The following SLC25A48 variants were observed in gnomAD, a reference collection of about 807,000 sequenced individuals.
SLC25A48 encodes the protein solute carrier family 25 member 48.
A neutral mutation model predicts 32.2 loss-of-function variants in SLC25A48; 29 were observed. That is an observed-to-expected ratio of 0.90 (90% CI 0.67 to 1.23). The LOEUF (loss-of-function observed/expected upper bound fraction) is 1.23, where lower values mean the gene tolerates loss of function less well. Ranked by LOEUF, SLC25A48 falls within the 50% of genes most tolerant of loss-of-function variation. The probability of loss-of-function intolerance (pLI) is 0.00; values close to 1 mark genes in which losing one functional copy is unlikely to be tolerated. For missense variants in SLC25A48, 399 were observed against 422.7 expected, an observed-to-expected ratio of 0.94 and a Z score of 0.49; for synonymous variants, 164 against 172.3, an observed-to-expected ratio of 0.95 and a Z score of 0.38.
At chr5:135,633,067 T>C (rs1257141989) in intron 2 of SLC25A48, among the ~76,000 whole-genome samples, 1 of 152,188 alleles carries the variant, frequency 6.6e-6, no homozygotes, top group Non-Finnish European at 1.5e-5. Context: ...GACGGGCAGT[T>C]ATCTCTGCAG....
At chr5:135,627,569 C>T (rs1333484547) in intron 1 of SLC25A48, among the ~76,000 whole-genome samples, 7 of 152,038 alleles carry the variant, frequency 4.6e-5, no homozygotes, top group Non-Finnish European at 5.9e-5. Flanking sequence ...ATCTTAAAAC[C>T]CTTCATTAAA....
At chr5:135,845,790 G>A (rs996126407) in intron 2 of SLC25A48, among the ~76,000 whole-genome samples, 2 of 152,184 alleles carry the variant, frequency 1.3e-5, no homozygotes, top group Admixed American at 1.3e-4. Flanking sequence ...TCTAGGGTCC[G>A]GGGACTCACC....
intron 1 of SLC25A48, among the ~76,000 whole-genome samples, chr5:135,628,120 G>T (rs1752478939): frequency 1.3e-5 from 2 of 152,112 alleles, no homozygotes. Flanking sequence ...CATTTGGCTG[G>T]GTTTGAAGGA....
chr5:135,886,613 ATATATATATATATATATATATAT>A (rs1561567593), intron 7 of SLC25A48, among the ~76,000 whole-genome samples: 554 of 41,868 alleles, frequency 0.013, 26 homozygotes, highest in African/African-American at 0.041. Flanking sequence ...ATATATATAT[ATATATATATATATATATATATAT>A]AAAATATATA....
In SLC25A48 at chr5:135,785,012, C is replaced by A. The variant is rs563460404; in HGVS notation, c.-520-27511C>A. On this transcript the variant is annotated intron_variant, in intron 3 of 10. Coordinates refer to the SLC25A48 transcript ENST00000646290. ...TGTATACAAATATTTTTCTTAATATCATAAGGTGGACAGGATGATATTACT... is the reference window on the plus strand; with the variant it reads ...TGTATACAAATATTTTTCTTAATATAATAAGGTGGACAGGATGATATTACT... Among the ~76,000 whole-genome samples the A allele has an allele frequency of 8.7e-4, 130 of 150,160 alleles. 41 individuals are homozygous for A. Among genetic ancestry groups the A allele is most frequent in the Non-Finnish European group, 1.5e-3 (102 of 67,234 alleles).
chr5:135,689,438 C>T (rs1458138482), intron 3 of SLC25A48, among the ~76,000 whole-genome samples: 3 of 152,160 alleles, frequency 2.0e-5, no homozygotes, highest in African/African-American at 4.8e-5. Context: ...GAGGCAGCAC[C>T]GGCACCTGGT....
intron 4 of SLC25A48, among the ~76,000 whole-genome samples, chr5:135,855,185 T>C (rs769251348): frequency 1.4e-4 from 22 of 152,158 alleles, no homozygotes; most frequent in Admixed American, 5.2e-4. Context: ...ATTATGAAAA[T>C]GTGACATAGA....
chr5:135,692,679 G>C (rs1193725306), intron 3 of SLC25A48, among the ~76,000 whole-genome samples: 1 of 152,210 alleles, frequency 6.6e-6, no homozygotes, highest in African/African-American at 2.4e-5. Context: ...CTGTCTTCTT[G>C]CATGTCTTAA....
rs2126675150 is a variant in SLC25A48, at chr5:135,834,782, G to A, written c.-66G>A. ...TCTTGCGGCGCGCTCGCGCCCGCGG[G>A]CCATGCCCCACTGACTCTAAGTGGG... On this transcript the variant is annotated 5_prime_UTR_variant, in exon 1 of 8. Transcript: ENST00000681962. 1.3e-6 allele frequency: 2 copies of A among 1,492,654 alleles called. No homozygotes were observed. The highest frequency in any genetic ancestry group is 2.4e-5 in the East Asian group (1 of 41,000). The allele number at this position is 1,492,654 out of a possible 1,614,324, so 92.5% of individuals were successfully genotyped here. A position where few individuals can be genotyped will look rare whatever the true frequency, so the allele number is the denominator to read the frequency against.
At chr5:135,874,859 G>T in intron 6 of SLC25A48, 1 of 492,628 alleles carries the variant, frequency 2.0e-6, no homozygotes, top group Non-Finnish European at 3.6e-6. Context: ...GCTCTTGCTT[G>T]CACGGGCTCC....
At chr5:135,595,575 G>A (rs537398185) in intron 1 of SLC25A48, among the ~76,000 whole-genome samples, 2 of 152,316 alleles carry the variant, frequency 1.3e-5, no homozygotes, top group African/African-American at 2.4e-5. Flanking sequence ...ATTCATGTTT[G>A]TGGGACTGTT....
In SLC25A48 at chr5:135,738,822, T is replaced by C. The variant is rs184333247; in HGVS notation, c.-520-73701T>C. Among the ~76,000 whole-genome samples, 240 of 152,278 alleles carry C rather than the reference T, an allele frequency of 1.6e-3. 1 individual carries two copies. Among genetic ancestry groups the C allele is most frequent in the African/African-American group, 5.7e-3 (235 of 41,570 alleles). On this transcript the variant is annotated intron_variant, in intron 3 of 10. Transcript: ENST00000646290. The stretch of plus-strand genomic sequence containing the variant: ...GGTGGCCAGGTGCAGTGGCTCATAT[T>C]TGTAATCCCAGCATTTTGGGAGGCC...
At chr5:135,683,317 AG>A (rs1165101948) in intron 3 of SLC25A48, among the ~76,000 whole-genome samples, 1 of 152,234 alleles carries the variant, frequency 6.6e-6, no homozygotes, top group Non-Finnish European at 1.5e-5. Flanking sequence ...ACAGTGTGGC[AG>A]GGACCAAAAT....
intron 3 of SLC25A48, among the ~76,000 whole-genome samples, chr5:135,662,674 CG>C (rs1753431565): frequency 7.3e-6 from 1 of 137,584 alleles, no homozygotes; most frequent in South Asian, 2.4e-4. Context: ...TTCTCTTTGC[CG>C]TCTTGCAGCT....
At chr5:135,791,735 G>A (rs1757035734) in intron 3 of SLC25A48, among the ~76,000 whole-genome samples, 1 of 151,426 alleles carries the variant, frequency 6.6e-6, no homozygotes. Flanking sequence ...AACATCCTAG[G>A]GTGATGTTAC....
At chr5:135,832,267 T>A (rs1758234615), upstream of SLC25A48, among the ~76,000 whole-genome samples, 1 of 151,454 alleles carries the variant, frequency 6.6e-6, no homozygotes, top group African/African-American at 2.4e-5. Flanking sequence ...CACCTAAGCA[T>A]GAGAAGGGGC....
chr5:135,654,770 G>C (rs61493963), intron 3 of SLC25A48, among the ~76,000 whole-genome samples: 1,683 of 152,324 alleles, frequency 0.011, 38 homozygotes, highest in African/African-American at 0.037. Context: ...GAGGCCGTAA[G>C]AGCAGAAACT....
chr5:135,832,930 G>A (rs1345777370), upstream of SLC25A48, among the ~76,000 whole-genome samples: 1 of 152,192 alleles, frequency 6.6e-6, no homozygotes, highest in African/African-American at 2.4e-5. Context: ...TAGCTGCCCT[G>A]CCCTCTCCCG....
chr5:135,816,788 G>C (rs1468166946), intron 4 of SLC25A48, among the ~76,000 whole-genome samples: 2 of 152,100 alleles, frequency 1.3e-5, no homozygotes, highest in Admixed American at 6.5e-5. Context: ...AGAAAACACA[G>C]GACAATGATC....
Sources: gnomAD v4.1 joint callset for allele counts (sites outside exome capture counted in the v4.1 genomes callset) on GRCh38, gnomAD v4.1.1 for gene constraint, MANE v1.5 for transcripts, NCBI Gene and HGNC (gene_info 2026-07-23, HGNC 2026-07-21) for gene names.